USP7: variants seen among roughly 807,000 people sequenced by gnomAD.
USP7 encodes the protein ubiquitin C-terminal hydrolase 7.
In USP7, 9 loss-of-function variants were observed where a neutral mutation model predicts 162.9. The ratio of observed to expected loss-of-function variants is 0.06; its 90% CI spans 0.03 to 0.10. The LOEUF (loss-of-function observed/expected upper bound fraction) is 0.10. Among genes scored for constraint, USP7 ranks in the 10% least tolerant of loss-of-function variants. The pLI is 1.00. For missense variants in USP7, 715 were observed against 1,373.7 expected (o/e 0.52, Z 7.58); for synonymous variants, 562 against 475.9 (o/e 1.18, Z -2.35).
At chr16:8,929,151 T>C (rs1898180618) in intron 2 of USP7, among the ~76,000 whole-genome samples, 1 of 152,108 alleles carries the variant, frequency 6.6e-6, no homozygotes, top group African/African-American at 2.4e-5. Flanking sequence ...GCTACACAAG[T>C]GGCTAGAATT....
intron 13 of USP7, among the ~76,000 whole-genome samples, chr16:8,905,731 A>C (rs2061849358): frequency 6.6e-6 from 1 of 152,266 alleles, no homozygotes; most frequent in African/African-American, 2.4e-5. Context: ...TTATCAAACT[A>C]AATGAGCTGT....
chr16:8,950,618 C>G (rs997095737), intron 1 of USP7, among the ~76,000 whole-genome samples: 1 of 152,176 alleles, frequency 6.6e-6, no homozygotes, highest in Non-Finnish European at 1.5e-5. Flanking sequence ...AGACAACAGT[C>G]TCAGTTACCA....
At chr16:8,936,205 A>T (rs901426204) in intron 1 of USP7, among the ~76,000 whole-genome samples, 17 of 152,142 alleles carry the variant, frequency 1.1e-4, no homozygotes, top group Admixed American at 9.2e-4. Flanking sequence ...CACTAGTAAC[A>T]ACCTAGTGAT....
chr16:8,927,013 C>T (rs939592441), intron 2 of USP7, among the ~76,000 whole-genome samples: 2 of 152,106 alleles, frequency 1.3e-5, no homozygotes, highest in Non-Finnish European at 2.9e-5. Context: ...GCCTGGGCTT[C>T]AGTTGCAAAA....
intron 15 of USP7, 124 bp downstream of exon 15, chr16:8,904,311 G>A: frequency 6.6e-7 from 1 of 1,512,092 alleles, no homozygotes; most frequent in Non-Finnish European, 8.9e-7. Context: ...TGCGTACAGA[G>A]ATGGATGCCC....
chr16:8,910,178 G>A (rs1191328068), intron 11 of USP7, among the ~76,000 whole-genome samples: 1 of 152,084 alleles, frequency 6.6e-6, no homozygotes, highest in South Asian at 2.1e-4. Context: ...GGACACTGCA[G>A]ATCCAACAGA....
intron 25 of USP7, among the ~76,000 whole-genome samples, chr16:8,897,460 C>T (rs904303708): frequency 6.6e-6 from 1 of 152,044 alleles, no homozygotes; most frequent in Non-Finnish European, 1.5e-5. Flanking sequence ...CAGAGGCAGA[C>T]TGTGGGCCTT....
At position 8,894,530 on chromosome 16, in the gene USP7, G is replaced by GA. The variant is rs532994706; in HGVS notation, c.3202+19_3202+20insT. On this transcript the variant is annotated intron_variant, in intron 30 of 30. Coordinates refer to ENST00000344836, the MANE Select transcript of USP7 (RefSeq NM_003470.3). ...TAGTCTGAAACCCACACCAGCCCCC[G>GA]GGGGGGGGAGAACCCTTACCGGGCT... 9.5e-6 allele frequency: 5 copies of GA among 524,268 alleles called. No homozygotes were observed. The highest frequency in any genetic ancestry group is 2.8e-5 in the South Asian group (1 of 35,862). 32.5% of individuals were successfully genotyped at this position (524,268 alleles called of 1,614,324 possible).
rs1025886756 is a variant in USP7, at chr16:8,897,631, G to A, written c.2719-532C>T. Among the ~76,000 whole-genome samples the A allele has an allele frequency of 3.5e-5, 5 of 144,426 alleles. No individual in the cohort carries two copies. The East Asian group carries it at 1.0e-3, about 30-fold the overall frequency. 94.7% of individuals were successfully genotyped at this position (144,426 alleles called of 152,430 possible). A position where few individuals can be genotyped will look rare whatever the true frequency, so the allele number is the denominator to read the frequency against. On this transcript the variant is annotated intron_variant, in intron 25 of 30. Transcript: ENST00000344836. ...TAATGCCAACACTCTGGGAGGCTGA[G>A]GCAGAAGGATGCTTGAGCCCAGGAG...
intron 1 of USP7, chr16:8,956,247 G>A (rs1344112460): frequency 6.6e-6 from 1 of 152,152 alleles, no homozygotes; most frequent in Non-Finnish European, 1.5e-5. Flanking sequence ...TTTCACAAGG[G>A]AGCCTCCTTC....
chr16:8,934,454 T>G lies in USP7; in HGVS notation c.80-4057A>C, dbSNP rs188580856. Among the ~76,000 whole-genome samples the G allele has an allele frequency of 1.3e-4, 20 of 152,310 alleles. No individual in the cohort carries two copies. The East Asian group carries it at 3.7e-3, about 28-fold the overall frequency. On this transcript the variant is annotated intron_variant, in intron 1 of 30. Coordinates refer to ENST00000344836, the MANE Select transcript of USP7 (RefSeq NM_003470.3). Reference sequence around the variant, plus strand: ...AAGATCAATTCAAGAGCGCATAACATCTTACAGGATGGGGTGGGGGAAATG... The same window carrying G: ...AAGATCAATTCAAGAGCGCATAACAGCTTACAGGATGGGGTGGGGGAAATG...
intron 1 of USP7, among the ~76,000 whole-genome samples, chr16:8,961,507 G>C (rs113472188): frequency 0.033 from 4,415 of 132,232 alleles, 464 homozygotes; most frequent in Non-Finnish European, 0.049. Flanking sequence ...AAAAAAAAGG[G>C]GGGGGGGGGC....
chr16:8,899,110 A>G lies in USP7; in HGVS notation c.2531+11T>C. Reference sequence around the variant, plus strand: ...GTCAAGACCAAGCAAGTGTCCACACATGTGACCTACCCTTGAGACTTGAAA... The same window carrying G: ...GTCAAGACCAAGCAAGTGTCCACACGTGTGACCTACCCTTGAGACTTGAAA... On this transcript the variant is annotated intron_variant, in intron 23 of 30. Coordinates refer to ENST00000344836, the MANE Select transcript of USP7 (RefSeq NM_003470.3). The G allele has an allele frequency of 6.2e-7, 1 of 1,614,088 alleles. No individual in the cohort carries two copies. The highest frequency in any genetic ancestry group is 8.5e-7 in the Non-Finnish European group (1 of 1,179,986).
At chr16:8,922,674 A>C (rs1326496107) in intron 3 of USP7, among the ~76,000 whole-genome samples, 1 of 152,248 alleles carries the variant, frequency 6.6e-6, no homozygotes, top group Non-Finnish European at 1.5e-5. Flanking sequence ...CCCAGAATCA[A>C]CTGGGTTTTT....
chr16:8,903,935 C>G (rs753140433), intron 15 of USP7, among the ~76,000 whole-genome samples: 4 of 152,034 alleles, frequency 2.6e-5, no homozygotes, highest in Admixed American at 6.6e-5. Context: ...CTTAACTCAC[C>G]TATAAATTGG....
intron 1 of USP7, chr16:8,962,644 G>A (rs1283133651): frequency 1.5e-5 from 4 of 259,292 alleles, no homozygotes; most frequent in African/African-American, 4.4e-5. Context: ...CAGAACTCTG[G>A]GCCAGTCCAA....
At chr16:8,899,894 G>A in intron 21 of USP7, 137 bp from the exon 22 acceptor site, 1 of 1,065,880 alleles carries the variant, frequency 9.4e-7, no homozygotes, top group Non-Finnish European at 1.4e-6. Flanking sequence ...CCTTTGAGGG[G>A]GCCAGGCATC....
rs1900112641 is a variant in USP7 at position 8,963,617 on chromosome 16, C to CCGGGGCTG, written c.-340_-333dup. The CCGGGGCTG allele has an allele frequency of 7.1e-6, 1 of 141,180 alleles. No homozygotes were observed. The highest frequency in any genetic ancestry group is 1.6e-5 in the Non-Finnish European group (1 of 64,122). The allele number at this position is 141,180 out of a possible 1,614,324, so 8.7% of individuals were successfully genotyped here. A position where few individuals can be genotyped will look rare whatever the true frequency, so the allele number is the denominator to read the frequency against. On this transcript the variant is annotated 5_prime_UTR_variant, in exon 1 of 31. Coordinates refer to ENST00000344836, the MANE Select transcript of USP7 (RefSeq NM_003470.3). ...CCGCCTCCCGCCGCCGGGGCCGGGG[C>CCGGGGCTG]CGGGGCTGCGGGGCCGCGGGCCGGC...
At chr16:8,939,040 T>C (rs1265477820) in intron 1 of USP7, among the ~76,000 whole-genome samples, 2 of 152,248 alleles carry the variant, frequency 1.3e-5, no homozygotes, top group Non-Finnish European at 2.9e-5. Context: ...CAGCACCACT[T>C]TGCAAAACTA....
Sources: allele counts gnomAD v4.1 joint callset (sites outside exome capture counted in the v4.1 genomes callset), GRCh38; gene constraint gnomAD v4.1.1; transcripts MANE v1.5; gene names NCBI Gene and HGNC (gene_info 2026-07-23, HGNC 2026-07-21).